Variants in SPOCK3 observed in about 807,000 individuals in gnomAD.
SPOCK3 encodes the protein testican-3.
A neutral mutation model predicts 56.6 loss-of-function variants in SPOCK3; 30 were observed. That is an observed-to-expected ratio of 0.53 (90% CI 0.40 to 0.72). The LOEUF (loss-of-function observed/expected upper bound fraction) is 0.72, where lower values mean the gene tolerates loss of function less well. Ranked by LOEUF, SPOCK3 falls within the 30% of genes least tolerant of loss-of-function variation. SPOCK3 has a pLI of 0.00. For synonymous variants in SPOCK3, 196 were observed against 183.3 expected (o/e 1.07, Z -0.56); for missense variants, 527 against 530.0 (o/e 0.99, Z 0.06).
chr4:166,880,577 A>G (rs1234883026), intron 6 of SPOCK3, among the ~76,000 whole-genome samples: 1 of 152,174 alleles, frequency 6.6e-6, no homozygotes, highest in Non-Finnish European at 1.5e-5. Flanking sequence ...TGACACCTTA[A>G]AAACACTGTG....
chr4:166,870,357 A>G (rs1463892715), intron 6 of SPOCK3, among the ~76,000 whole-genome samples: 12 of 152,082 alleles, frequency 7.9e-5, no homozygotes, highest in Admixed American at 7.9e-4. Context: ...AGTGCCACCA[A>G]TCTTGTCAGT....
intron 4 of SPOCK3, among the ~76,000 whole-genome samples, chr4:166,939,157 A>C (rs545641551): frequency 6.6e-6 from 1 of 152,270 alleles, no homozygotes; most frequent in South Asian, 2.1e-4. Flanking sequence ...TGACCCTCAG[A>C]AAGAAAGGAT....
At chr4:166,746,598 T>C (rs6817584) in intron 8 of SPOCK3, among the ~76,000 whole-genome samples, 20,612 of 151,862 alleles carry the variant, frequency 0.14, 1,730 homozygotes, top group East Asian at 0.43. Flanking sequence ...AGCAAACACA[T>C]TCAAAAGCTA....
At chr4:167,090,361 T>A (rs1758599108) in intron 2 of SPOCK3, among the ~76,000 whole-genome samples, 1 of 152,184 alleles carries the variant, frequency 6.6e-6, no homozygotes, top group African/African-American at 2.4e-5. Context: ...ATTTTGGTTT[T>A]AATTTGCATT....
intron 5 of SPOCK3, among the ~76,000 whole-genome samples, chr4:166,893,241 G>A (rs1734977008): frequency 6.6e-6 from 1 of 152,024 alleles, no homozygotes; most frequent in South Asian, 2.1e-4. Context: ...CTACTGTAAG[G>A]CAATGAAAGG....
chr4:167,033,677 G>T (rs891060685), intron 3 of SPOCK3, among the ~76,000 whole-genome samples: 1 of 151,888 alleles, frequency 6.6e-6, no homozygotes, highest in Non-Finnish European at 1.5e-5. Context: ...CAAAACACAT[G>T]AATTAGGATG....
intron 2 of SPOCK3, among the ~76,000 whole-genome samples, chr4:167,159,745 T>C (rs1359191081): frequency 6.6e-6 from 1 of 152,038 alleles, no homozygotes; most frequent in Non-Finnish European, 1.5e-5. Context: ...CATACGCAAA[T>C]CAATAAATGT....
At chr4:167,062,428 T>G (rs940718477) in intron 3 of SPOCK3, 64 bp downstream of exon 3, 17 of 1,297,956 alleles carry the variant, frequency 1.3e-5, no homozygotes, top group Non-Finnish European at 1.9e-5. Context: ...GTAAATATCA[T>G]TTCTAAAAGT....
intron 6 of SPOCK3, among the ~76,000 whole-genome samples, chr4:166,860,581 C>T (rs1326270577): frequency 6.6e-6 from 1 of 151,480 alleles, no homozygotes; most frequent in Non-Finnish European, 1.5e-5. Context: ...CAAGCAAAAT[C>T]AATGATCAAG....
chr4:167,010,078 T>TG (rs1422733766), intron 3 of SPOCK3, among the ~76,000 whole-genome samples: 2 of 151,710 alleles, frequency 1.3e-5, no homozygotes, highest in East Asian at 1.9e-4. Flanking sequence ...AATAAGTGGG[T>TG]GGGGGGAGTA....
At chr4:166,909,644 A>T (rs1459071034) in intron 5 of SPOCK3, among the ~76,000 whole-genome samples, 1 of 152,116 alleles carries the variant, frequency 6.6e-6, no homozygotes, top group African/African-American at 2.4e-5. Context: ...GACTCATCAT[A>T]TCTGGCTTCT....
intron 2 of SPOCK3, among the ~76,000 whole-genome samples, chr4:167,070,465 A>G (rs1419952745): frequency 6.6e-6 from 1 of 151,968 alleles, no homozygotes; most frequent in Non-Finnish European, 1.5e-5. Context: ...ACTCTATGCT[A>G]AGGAGTTGGG....
At chr4:166,872,640 G>A (rs968870341) in intron 6 of SPOCK3, among the ~76,000 whole-genome samples, 14 of 152,120 alleles carry the variant, frequency 9.2e-5, no homozygotes, top group African/African-American at 2.9e-4. Flanking sequence ...ATCAAGCCAT[G>A]AAAGGACATC....
chr4:166,980,046 T>C (rs1236447597), intron 4 of SPOCK3, among the ~76,000 whole-genome samples: 1 of 152,234 alleles, frequency 6.6e-6, no homozygotes, highest in Admixed American at 6.5e-5. Flanking sequence ...ATGACTTCTA[T>C]TTAGTTTTCC....
At chr4:167,122,086 TTTC>T (rs952561918) in intron 2 of SPOCK3, among the ~76,000 whole-genome samples, 16 of 150,166 alleles carry the variant, frequency 1.1e-4, no homozygotes, top group African/African-American at 3.7e-4. Flanking sequence ...TTTCCTTTCT[TTTC>T]TTTTTTCTTT....
At chr4:166,749,270 A>T (rs1258283099) in intron 8 of SPOCK3, among the ~76,000 whole-genome samples, 1 of 137,902 alleles carries the variant, frequency 7.3e-6, no homozygotes, top group Non-Finnish European at 1.5e-5. Context: ...GGTTTAAGAA[A>T]ATGTGGCACA....
chr4:166,821,253 A>G (rs2126761722), intron 6 of SPOCK3, among the ~76,000 whole-genome samples: 1 of 152,222 alleles, frequency 6.6e-6, no homozygotes, highest in South Asian at 2.1e-4. Context: ...TGCAAATAAG[A>G]AATAAAGTGA....
chr4:167,068,250 TAGA>T (rs1457058358), intron 2 of SPOCK3, among the ~76,000 whole-genome samples: 1 of 150,584 alleles, frequency 6.6e-6, no homozygotes, highest in African/African-American at 2.4e-5. Flanking sequence ...ACCAAGCTTT[TAGA>T]AGAAGAAAAG....
At chr4:166,747,436 C>T (rs1396133305) in intron 8 of SPOCK3, among the ~76,000 whole-genome samples, 3 of 152,078 alleles carry the variant, frequency 2.0e-5, no homozygotes, top group African/African-American at 7.2e-5. Flanking sequence ...ATTCAACAGC[C>T]CTTCATGCTA....
Sources: gnomAD v4.1 joint callset for allele counts (sites outside exome capture counted in the v4.1 genomes callset) on GRCh38, gnomAD v4.1.1 for gene constraint, MANE v1.5 for transcripts, NCBI Gene and HGNC (gene_info 2026-07-23, HGNC 2026-07-21) for gene names.